The following DSCAML1 variants were observed in gnomAD, a reference collection of about 807,000 sequenced individuals.
DSCAML1 encodes DS cell adhesion molecule like 1, also known as cell adhesion molecule DSCAML1.
In DSCAML1, 38 loss-of-function variants were observed where a neutral mutation model predicts 200.5. The ratio of observed to expected loss-of-function variants is 0.19; its 90% CI spans 0.15 to 0.25. The LOEUF is 0.25. DSCAML1 is among the 10% of genes least tolerant of loss of function. The pLI is 1.00. For synonymous variants in DSCAML1, 1,215 were observed against 1,165.0 expected (o/e 1.04, Z -0.87); for missense variants, 2,223 against 2,858.8 (o/e 0.78, Z 5.07).
intron 1 of DSCAML1, among the ~76,000 whole-genome samples, chr11:117,809,067 C>A (rs2055733646): frequency 6.6e-6 from 1 of 152,240 alleles, no homozygotes; most frequent in Non-Finnish European, 1.5e-5. Flanking sequence ...TGCTTCATAT[C>A]ATTTCCACTG....
chr11:117,646,349 A>G (rs2052522839), intron 3 of DSCAML1, among the ~76,000 whole-genome samples: 3 of 152,128 alleles, frequency 2.0e-5, no homozygotes, highest in Admixed American at 6.5e-5. Context: ...GCCCTCACCC[A>G]GAATGTTTGA....
intron 3 of DSCAML1, among the ~76,000 whole-genome samples, chr11:117,597,247 A>C (rs1184657986): frequency 2.0e-5 from 3 of 152,202 alleles, no homozygotes; most frequent in African/African-American, 7.2e-5. Flanking sequence ...GAGCCACTTT[A>C]ATCACTAAGA....
At chr11:117,765,690 T>C (rs2054884874) in intron 3 of DSCAML1, among the ~76,000 whole-genome samples, 1 of 152,214 alleles carries the variant, frequency 6.6e-6, no homozygotes, top group South Asian at 2.1e-4. Context: ...AAATACATTA[T>C]ATACATGGAA....
chr11:117,549,945 T>C (rs2050440241), intron 3 of DSCAML1, among the ~76,000 whole-genome samples: 1 of 152,198 alleles, frequency 6.6e-6, no homozygotes, highest in South Asian at 2.1e-4. Context: ...CATGTGAACA[T>C]ATGAGTATAT....
intron 3 of DSCAML1, among the ~76,000 whole-genome samples, chr11:117,667,083 C>T (rs571086931): frequency 1.8e-4 from 28 of 152,174 alleles, no homozygotes; most frequent in African/African-American, 5.5e-4. Context: ...GGCTGGCAGG[C>T]TCAGGTGGGA....
chr11:117,610,840 A>AC (rs5795096), intron 3 of DSCAML1, among the ~76,000 whole-genome samples: 18,888 of 111,960 alleles, frequency 0.17, 1,926 homozygotes, highest in Non-Finnish European at 0.19. Flanking sequence ...AACCAAAACA[A>AC]CCCCCCCCCC....
In DSCAML1 at chr11:117,437,071, G is replaced by A. The variant is rs758932194; in HGVS notation, c.4720+51C>T. The A allele has an allele frequency of 8.3e-6, 13 of 1,565,342 alleles. No individual in the cohort carries two copies. Among genetic ancestry groups the A allele is most frequent in the South Asian group, 4.7e-5 (4 of 84,682 alleles). On this transcript the variant is annotated intron_variant, in intron 26 of 32. Transcript: ENST00000651296. The surrounding 1 kb of genome is among the most constrained non-coding windows in gnomAD (Gnocchi z 5.3). ...ATCTGCCACTCTGCCCACTTCCTTC[G>A]CACCACCCTGCTCCAGCCTCTGTAC... is the stretch of plus-strand genomic sequence containing the variant.
At position 117,742,841 on chromosome 11, in the gene DSCAML1, C is replaced by T. The variant is rs74832604; in HGVS notation, c.511+33950G>A. On this transcript the variant is annotated intron_variant, in intron 3 of 32. Transcript: ENST00000651296. ...GTGTGGTCTTGTCTCTGAGAATGGG[C>T]TATGGAGAATCCAGCCTTGACATAC... 8.5e-5 allele frequency among the ~76,000 whole-genome samples: 13 copies of T among 152,334 alleles called. No homozygotes were observed. In the East Asian group the frequency reaches 2.5e-3, roughly 29 times the overall value.
intron 26 of DSCAML1, among the ~76,000 whole-genome samples, chr11:117,436,134 C>T (rs2047910375): frequency 6.6e-6 from 1 of 152,176 alleles, no homozygotes; most frequent in South Asian, 2.1e-4. Flanking sequence ...ATTCTGATAT[C>T]CAGCTGGGGT....
At chr11:117,788,471 C>T (rs144638086) in intron 1 of DSCAML1, among the ~76,000 whole-genome samples, 4,559 of 152,188 alleles carry the variant, frequency 0.03, 115 homozygotes, top group Non-Finnish European at 0.049. Context: ...GGATTACAGG[C>T]GTGCACCACC....
At chr11:117,545,731 G>A (rs1043773977) in intron 3 of DSCAML1, among the ~76,000 whole-genome samples, 1 of 152,202 alleles carries the variant, frequency 6.6e-6, no homozygotes, top group African/African-American at 2.4e-5. Flanking sequence ...GAAGCTGAAG[G>A]CATCATCCAG....
intron 21 of DSCAML1, among the ~76,000 whole-genome samples, chr11:117,442,793 T>C (rs537314480): frequency 6.6e-6 from 1 of 151,928 alleles, no homozygotes; most frequent in African/African-American, 2.4e-5. Context: ...TAGGGGGTGG[T>C]AGGAGGTGCT....
intron 3 of DSCAML1, among the ~76,000 whole-genome samples, chr11:117,682,275 T>C (rs926842654): frequency 5.9e-5 from 9 of 152,134 alleles, no homozygotes; most frequent in Non-Finnish European, 1.2e-4. Flanking sequence ...CCGCTGCCTG[T>C]CCAGCCCTGT....
intron 3 of DSCAML1, among the ~76,000 whole-genome samples, chr11:117,608,347 G>A (rs1234218295): frequency 6.6e-6 from 1 of 152,098 alleles, no homozygotes; most frequent in African/African-American, 2.4e-5. Flanking sequence ...TATTAAAAAT[G>A]GAAACATATT....
intron 3 of DSCAML1, among the ~76,000 whole-genome samples, chr11:117,565,848 C>T (rs959511666): frequency 2.0e-5 from 3 of 152,204 alleles, no homozygotes; most frequent in African/African-American, 7.2e-5. Flanking sequence ...GGGGTGTGAC[C>T]AGATCAGGGA....
At chr11:117,753,836 T>C (rs1426664165) in intron 3 of DSCAML1, among the ~76,000 whole-genome samples, 1 of 152,190 alleles carries the variant, frequency 6.6e-6, no homozygotes, top group Non-Finnish European at 1.5e-5. Context: ...AGGCCCTGGT[T>C]CTAGTTCTCA....
chr11:117,670,395 C>T (rs1370222704), intron 3 of DSCAML1, among the ~76,000 whole-genome samples: 1 of 151,966 alleles, frequency 6.6e-6, no homozygotes, highest in African/African-American at 2.4e-5. Context: ...ATATCGAATA[C>T]TTATTATGTG....
At chr11:117,649,034 CATAT>C (rs150907068) in intron 3 of DSCAML1, among the ~76,000 whole-genome samples, 6 of 123,110 alleles carry the variant, frequency 4.9e-5, no homozygotes, top group African/African-American at 1.7e-4. Flanking sequence ...TCTCTCTCTC[CATAT>C]ATATGTGTGT....
At chr11:117,631,927 G>A (rs1028865354) in intron 3 of DSCAML1, among the ~76,000 whole-genome samples, 14 of 152,300 alleles carry the variant, frequency 9.2e-5, no homozygotes, top group Middle Eastern at 6.8e-3. Context: ...CCCCTAGCAG[G>A]CCAGAGAAGG....
Sources: allele counts gnomAD v4.1 joint callset (sites outside exome capture counted in the v4.1 genomes callset), GRCh38; gene constraint gnomAD v4.1.1; non-coding constraint Gnocchi (gnomAD v3.1); transcripts MANE v1.5; gene names NCBI Gene and HGNC (gene_info 2026-07-23, HGNC 2026-07-21).